PTGIR: variants seen among roughly 807,000 people sequenced by gnomAD.
PTGIR encodes the protein prostacyclin receptor.
Under a neutral mutation model 17.6 loss-of-function variants are expected in PTGIR, and 16 were observed. The observed-to-expected ratio is 0.91, with a 90% CI of 0.61 to 1.38. The LOEUF is 1.38. Ranked by LOEUF, PTGIR falls within the 40% of genes most tolerant of loss-of-function variation. The probability of loss-of-function intolerance (pLI) is 0.00; values close to 1 mark genes in which losing one functional copy is unlikely to be tolerated. For synonymous variants in PTGIR, 274 were observed against 255.4 expected, an observed-to-expected ratio of 1.07 and a Z score of -0.69; for missense variants, 532 against 548.6, an observed-to-expected ratio of 0.97 and a Z score of 0.30.
Position 46,621,103 on chromosome 19 carries a change from C to G in PTGIR, c.*177G>C. On this transcript the variant is annotated 3_prime_UTR_variant, in exon 3 of 3. Coordinates refer to ENST00000291294, the MANE Select transcript of PTGIR (RefSeq NM_000960.4). This position sits in a 1 kb window ranked among gnomAD's most constrained non-coding sequence, Gnocchi z 4.8. ...ACTCCAGGATAAACGTTTCCTCTGT[C>G]CCTCACTCTCTTCCCAGAGCCAGCA... The G allele has an allele frequency of 3.1e-6, 4 of 1,303,334 alleles. No homozygotes were observed. Among genetic ancestry groups the G allele is most frequent in the Non-Finnish European group, 3.9e-6 (4 of 1,026,656 alleles). The allele number at this position is 1,303,334 out of a possible 1,614,324, so 80.7% of individuals were successfully genotyped here.
the PTGIR span, chr19:46,610,859 T>C: frequency 6.5e-6 from 1 of 152,736 alleles, no homozygotes; most frequent in African/African-American, 2.4e-5. Context: ...CAGCACTGAC[T>C]CCTTTGGCCC....
downstream of PTGIR, chr19:46,620,457 A>T: frequency 1.0e-6 from 1 of 985,498 alleles, no homozygotes; most frequent in Non-Finnish European, 1.2e-6. Flanking sequence ...CTAAGGACAC[A>T]TAACATGAGG....
chr19:46,613,650 A>T, the PTGIR span, among the ~76,000 whole-genome samples: 1 of 152,108 alleles, frequency 6.6e-6, no homozygotes, highest in African/African-American at 2.4e-5. Flanking sequence ...CTTTATAGAC[A>T]TCATTTCACT....
Position 46,623,779 on chromosome 19 carries a change from G to A in PTGIR, c.447C>T (p.Leu149=). Residue 149 remains leucine (L), a synonymous_variant, in exon 2 of 3, where the codon CTC becomes CTT. Transcript: ENST00000291294. ...GGCCCAGCAGGGGCAGCGCGCAGAAGAGGACGCAGAAGGCGTAGATGGCTG... is the reference window on the plus strand; with the variant it reads ...GGCCCAGCAGGGGCAGCGCGCAGAAAAGGACGCAGAAGGCGTAGATGGCTG... ...ALPAIYAFCV[L]FCALPLLGLG... 1 of 1,606,474 alleles carries A rather than the reference G, an allele frequency of 6.2e-7. No homozygotes were observed. The highest frequency in any genetic ancestry group is 8.5e-7 in the Non-Finnish European group (1 of 1,178,180).
At position 46,623,441 on chromosome 19, in the gene PTGIR, C is replaced by T; in HGVS notation, c.768+17G>A. Reference sequence around the variant, plus strand: ...CTCCTCCTCTCCCCACTCCTCCCAGCTCCGGAGGGGACTCACCGTGAGAGG... The same window carrying T: ...CTCCTCCTCTCCCCACTCCTCCCAGTTCCGGAGGGGACTCACCGTGAGAGG... On this transcript the variant is annotated intron_variant, in intron 2 of 2. Transcript: ENST00000291294. 5.9e-6 allele frequency: 9 copies of T among 1,519,574 alleles called. No homozygotes were observed. Among genetic ancestry groups the T allele is most frequent in the Non-Finnish European group, 8.0e-6 (9 of 1,129,086 alleles). 94.1% of individuals were successfully genotyped at this position (1,519,574 alleles called of 1,614,324 possible). A position where few individuals can be genotyped will look rare whatever the true frequency, so the allele number is the denominator to read the frequency against.
At chr19:46,622,096 C>G (rs2052736018) in intron 2 of PTGIR, 1 of 985,370 alleles carries the variant, frequency 1.0e-6, no homozygotes, top group African/African-American at 1.7e-5. Flanking sequence ...TAAGGACCCC[C>G]CAATCCGGCC....
chr19:46,621,663 A>C lies in PTGIR; in HGVS notation c.778T>G (p.Phe260Val), dbSNP rs2052729694. Residue 260 changes from phenylalanine (F) to valine (V), a missense_variant, in exon 3 of 3, where the codon TTC (phenylalanine) becomes GTC (valine). Physicochemically the swap from Phe to Val is conservative, Grantham distance 50 (BLOSUM62 -1). Coordinates refer to ENST00000291294, the MANE Select transcript of PTGIR (RefSeq NM_000960.4). The surrounding 1 kb of genome is among the most constrained non-coding windows in gnomAD (Gnocchi z 4.8). ...CTGTCAGGGGCGACAGCCTGGGTGA[A>C]GCAGCGGATCTGAGGGCAGGGTGAG... ...VCSLPLTIRC[F>V]TQAVAPDSSS... The C allele has an allele frequency of 6.2e-7, 1 of 1,611,862 alleles. No homozygotes were observed. Among genetic ancestry groups the C allele is most frequent in the Non-Finnish European group, 8.5e-7 (1 of 1,179,150 alleles).
chr19:46,620,611 A>AT lies in PTGIR; in HGVS notation c.*668_*669insA. 3 of 983,606 alleles carry AT rather than the reference A, an allele frequency of 3.1e-6. No individual in the cohort carries two copies. The South Asian group carries it at 1.4e-4, about 46-fold the overall frequency. The allele number at this position is 983,606 out of a possible 1,614,324, so 60.9% of individuals were successfully genotyped here. A position where few individuals can be genotyped will look rare whatever the true frequency, so the allele number is the denominator to read the frequency against. ...CTCCATCTGTCTCCCCACCACCTGC[A>AT]CCCCCCCAGTTCTCATCTTGCAGCC... On this transcript the variant is annotated 3_prime_UTR_variant, in exon 3 of 3. Coordinates refer to ENST00000291294, the MANE Select transcript of PTGIR (RefSeq NM_000960.4).
At chr19:46,623,175 T>C in intron 2 of PTGIR, 3 of 280,318 alleles carry the variant, frequency 1.1e-5, no homozygotes, top group Non-Finnish European at 2.0e-5. Context: ...TGTTGTATTT[T>C]TAGTAGAGAC....
At chr19:46,619,290 C>T (rs79494508), downstream of PTGIR, among the ~76,000 whole-genome samples, 4 of 151,704 alleles carry the variant, frequency 2.6e-5, no homozygotes, top group African/African-American at 4.8e-5. Flanking sequence ...GTCAGGAGTT[C>T]GAGACCAGCC....
At chr19:46,614,602 T>TGCG in the PTGIR span, among the ~76,000 whole-genome samples, 1 of 152,006 alleles carries the variant, frequency 6.6e-6, no homozygotes, top group African/African-American at 2.4e-5. Flanking sequence ...ACACACAGGG[T>TGCG]GCGGTGGCTC....
chr19:46,622,061 G>A (rs2052735471), intron 2 of PTGIR: 3 of 985,474 alleles, frequency 3.0e-6, no homozygotes, highest in Non-Finnish European at 3.6e-6. Context: ...GAGTCTCTGA[G>A]TCAGAGTAAC....
At chr19:46,612,126 G>A in the PTGIR span, among the ~76,000 whole-genome samples, 1 of 152,250 alleles carries the variant, frequency 6.6e-6, no homozygotes, top group African/African-American at 2.4e-5. Context: ...CCTGGTTGTG[G>A]CTTGGCATTT....
At chr19:46,613,287 C>T in the PTGIR span, among the ~76,000 whole-genome samples, 1 of 151,708 alleles carries the variant, frequency 6.6e-6, no homozygotes, top group Non-Finnish European at 1.5e-5. Flanking sequence ...AAATGACCTC[C>T]GCCTGCCTCA....
rs2052720785 is a variant in PTGIR, at chr19:46,621,065, C to G, written c.*215G>C. ...CAGGCCACTGGTTATTTTGAGAGAA[C>G]CATTCTTTCTGCACTCCAGGATAAA... On this transcript the variant is annotated 3_prime_UTR_variant, in exon 3 of 3. Transcript: ENST00000291294. The surrounding 1 kb of genome is among the most constrained non-coding windows in gnomAD (Gnocchi z 4.8). 8.0e-7 allele frequency: 1 copy of G among 1,247,926 alleles called. No homozygotes were observed. The highest frequency in any genetic ancestry group is 3.7e-5 in the South Asian group (1 of 27,242). The allele number at this position is 1,247,926 out of a possible 1,614,324, so 77.3% of individuals were successfully genotyped here.
At position 46,624,040 on chromosome 19, in the gene PTGIR, C is replaced by CTTCAGGA; in HGVS notation, c.185_186insTCCTGAA (p.Gly63ProfsTer207). On this transcript the variant is annotated frameshift_variant, in exon 2 of 3. Transcript: ENST00000291294. LOFTEE classifies it high-confidence loss of function. ...CGGCCGGGCTCAGGAAGCTGGTGCCCAGCAGGTCGGTGGCCGCCAGTCCGG... is the reference window on the plus strand; with the variant it reads ...CGGCCGGGCTCAGGAAGCTGGTGCCCTTCAGGAAGCAGGTCGGTGGCCGCCAGTCCGG... 1 of 1,538,812 alleles carries CTTCAGGA rather than the reference C, an allele frequency of 6.5e-7. No homozygotes were observed. The highest frequency in any genetic ancestry group is 8.7e-7 in the Non-Finnish European group (1 of 1,143,718).
chr19:46,623,454 T>G lies in PTGIR; in HGVS notation c.768+4A>C, dbSNP rs201711385. Reference sequence around the variant, plus strand: ...CACTCCTCCCAGCTCCGGAGGGGACTCACCGTGAGAGGCAGGGAGCACACG... The same window carrying G: ...CACTCCTCCCAGCTCCGGAGGGGACGCACCGTGAGAGGCAGGGAGCACACG... On this transcript the variant is annotated splice_donor_region_variant and intron_variant, in intron 2 of 2. Transcript: ENST00000291294. The G allele has an allele frequency of 1.2e-4, 179 of 1,543,016 alleles. No individual in the cohort carries two copies. The highest frequency in any genetic ancestry group is 1.5e-4 in the Non-Finnish European group (173 of 1,140,714).
At chr19:46,622,423 T>C (rs1193969141) in intron 2 of PTGIR, 1 of 981,368 alleles carries the variant, frequency 1.0e-6, no homozygotes. Context: ...CTTGGTTTCC[T>C]GCCAAATACT....
chr19:46,619,372 G>A (rs1023838352), downstream of PTGIR, among the ~76,000 whole-genome samples: 2 of 151,808 alleles, frequency 1.3e-5, no homozygotes, highest in Non-Finnish European at 2.9e-5. Flanking sequence ...GTGCACGCCT[G>A]TAATCCCAGC....
Sources: gnomAD v4.1 joint callset for allele counts (sites outside exome capture counted in the v4.1 genomes callset) on GRCh38, gnomAD v4.1.1 for gene constraint, Gnocchi (gnomAD v3.1) non-coding constraint, MANE v1.5 for transcripts, NCBI Gene and HGNC (gene_info 2026-07-23, HGNC 2026-07-21) for gene names.